LUZP2: variants seen among roughly 807,000 people sequenced by gnomAD.
LUZP2 encodes leucine zipper protein 2.
In LUZP2, 52 loss-of-function variants were observed where a neutral mutation model predicts 51.6. The observed-to-expected ratio is 1.01, with a 90% CI of 0.81 to 1.27. LUZP2 has a LOEUF of 1.27. Among genes scored for constraint, LUZP2 ranks in the 50% most tolerant of loss-of-function variants. LUZP2 has a pLI of 0.00. For missense variants in LUZP2, 436 were observed against 395.4 expected (o/e 1.10, Z -0.87); for synonymous variants, 154 against 137.3 (o/e 1.12, Z -0.85).
intron 7 of LUZP2, among the ~76,000 whole-genome samples, chr11:24,956,698 A>C (rs1855222218): frequency 6.6e-6 from 1 of 152,086 alleles, no homozygotes; most frequent in Non-Finnish European, 1.5e-5. Context: ...GTAGAAAACA[A>C]GAAGGAAGAA....
intron 5 of LUZP2, among the ~76,000 whole-genome samples, chr11:24,809,659 C>G (rs1255190557): frequency 6.6e-6 from 1 of 151,718 alleles, no homozygotes; most frequent in Non-Finnish European, 1.5e-5. Context: ...GTTTTTAAAC[C>G]CTAATTTAAA....
At chr11:24,903,963 C>T (rs991411064) in intron 5 of LUZP2, among the ~76,000 whole-genome samples, 17 of 152,084 alleles carry the variant, frequency 1.1e-4, no homozygotes, top group Non-Finnish European at 1.9e-4. Flanking sequence ...GTTCAACATA[C>T]TGATTTCATT....
intron 5 of LUZP2, among the ~76,000 whole-genome samples, chr11:24,826,107 C>T (rs1387758281): frequency 2.1e-5 from 3 of 143,234 alleles, no homozygotes; most frequent in Non-Finnish European, 3.0e-5. Flanking sequence ...ACCCGGGAGA[C>T]GGAGCTTGCA....
At chr11:24,574,254 TTCTTTCTTGC>T (rs1159001450) in intron 1 of LUZP2, among the ~76,000 whole-genome samples, 2 of 4,494 alleles carry the variant, frequency 4.5e-4, no homozygotes, top group Non-Finnish European at 2.5e-3. Context: ...CTTTCTTTCT[TTCTTTCTTGC>T]TTTCTTTCTT....
chr11:24,544,182 G>A (rs1851468820), intron 1 of LUZP2, among the ~76,000 whole-genome samples: 1 of 152,082 alleles, frequency 6.6e-6, no homozygotes, highest in Non-Finnish European at 1.5e-5. Context: ...ACAGGTCTGT[G>A]TGTCTGGTTC....
At chr11:24,786,699 G>GTATATTATGTATTTATATATAAATAGA (rs1231403259) in intron 5 of LUZP2, 3 of 142,106 alleles carry the variant, frequency 2.1e-5, no homozygotes, top group Non-Finnish European at 3.0e-5. Flanking sequence ...ATATAAATAT[G>GTATATTATGTATTTATATATAAATAGA]TATATTATGT....
chr11:24,628,729 T>C (rs1273191161), intron 1 of LUZP2, among the ~76,000 whole-genome samples: 1 of 152,086 alleles, frequency 6.6e-6, no homozygotes, highest in African/African-American at 2.4e-5. Context: ...TAGCTAATTA[T>C]TGTATTTTTA....
intron 1 of LUZP2, among the ~76,000 whole-genome samples, chr11:24,498,778 C>G (rs544407799): frequency 1.3e-5 from 2 of 152,210 alleles, no homozygotes; most frequent in South Asian, 4.1e-4. Context: ...ATTTAGTCTT[C>G]TAGAGAAAGG....
chr11:24,810,187 A>G (rs565670071), intron 5 of LUZP2, among the ~76,000 whole-genome samples: 3 of 152,236 alleles, frequency 2.0e-5, no homozygotes, highest in South Asian at 4.1e-4. Flanking sequence ...AGGAAGTCAA[A>G]GAAGAAATGA....
At chr11:24,875,016 C>T (rs1457923673) in intron 5 of LUZP2, among the ~76,000 whole-genome samples, 1 of 152,128 alleles carries the variant, frequency 6.6e-6, no homozygotes, top group Non-Finnish European at 1.5e-5. Flanking sequence ...TTCCTAAGTT[C>T]TGGCTACTGG....
chr11:24,897,356 A>G (rs544500248), intron 5 of LUZP2, among the ~76,000 whole-genome samples: 6 of 152,288 alleles, frequency 3.9e-5, no homozygotes, highest in East Asian at 1.9e-4. Context: ...TGCTCTTTGC[A>G]ATAAATCTTG....
At chr11:24,769,948 A>T (rs150738223) in intron 5 of LUZP2, among the ~76,000 whole-genome samples, 1,815 of 151,884 alleles carry the variant, frequency 0.012, 19 homozygotes, top group Non-Finnish European at 0.018. Context: ...ATGCACCAGC[A>T]CCCCCGGCTA....
At chr11:25,063,354 T>G (rs1378260139) in intron 10 of LUZP2, among the ~76,000 whole-genome samples, 3 of 151,578 alleles carry the variant, frequency 2.0e-5, no homozygotes, top group Admixed American at 6.6e-5. Flanking sequence ...TATTGAGGGA[T>G]GTCTGTACAC....
At chr11:24,565,721 A>C (rs1345606853) in intron 1 of LUZP2, among the ~76,000 whole-genome samples, 5 of 152,162 alleles carry the variant, frequency 3.3e-5, no homozygotes, top group Non-Finnish European at 7.4e-5. Context: ...AAACACATAG[A>C]AAAGAAAGTG....
At chr11:24,540,031 G>A (rs1345160326) in intron 1 of LUZP2, among the ~76,000 whole-genome samples, 1 of 151,756 alleles carries the variant, frequency 6.6e-6, no homozygotes, top group African/African-American at 2.4e-5. Context: ...CCCTAGTTAG[G>A]GTGATGTGTA....
chr11:24,566,902 G>A (rs61875636), intron 1 of LUZP2, among the ~76,000 whole-genome samples: 12 of 4,290 alleles, frequency 2.8e-3, no homozygotes, highest in African/African-American at 8.8e-3. Flanking sequence ...ATTTATATAT[G>A]TTATATATAT....
At chr11:24,655,537 A>G (rs1410184124) in intron 1 of LUZP2, among the ~76,000 whole-genome samples, 1 of 152,202 alleles carries the variant, frequency 6.6e-6, no homozygotes, top group Non-Finnish European at 1.5e-5. Context: ...AGGGTAGTAT[A>G]AAAGGTAATA....
At chr11:24,815,005 A>G (rs1262930647) in intron 5 of LUZP2, among the ~76,000 whole-genome samples, 2 of 140,284 alleles carry the variant, frequency 1.4e-5, no homozygotes, top group African/African-American at 5.6e-5. Context: ...AAAAAAAAAA[A>G]ATAAAAATAA....
chr11:24,502,009 T>A (rs1449570776), intron 1 of LUZP2, among the ~76,000 whole-genome samples: 1 of 152,130 alleles, frequency 6.6e-6, no homozygotes. Flanking sequence ...CTTCTTATCC[T>A]CTCTATCCAG....
Sources: gnomAD v4.1 joint callset for allele counts (sites outside exome capture counted in the v4.1 genomes callset) on GRCh38, gnomAD v4.1.1 for gene constraint, MANE v1.5 for transcripts, NCBI Gene and HGNC (gene_info 2026-07-23, HGNC 2026-07-21) for gene names.